The following ERICH1 variants were observed in gnomAD, a reference collection of about 807,000 sequenced individuals.
ERICH1 encodes glutamate-rich protein 1.
Under a neutral mutation model 39.6 loss-of-function variants are expected in ERICH1, and 56 were observed. That is an observed-to-expected ratio of 1.41 (90% confidence interval 1.14 to 1.77). The LOEUF (loss-of-function observed/expected upper bound fraction) is 1.77. Among genes scored for constraint, ERICH1 ranks in the 40% most tolerant of loss-of-function variants. The pLI is 0.00. For synonymous variants in ERICH1, 313 were observed against 223.6 expected (o/e 1.40, Z -3.57); for missense variants, 826 against 575.4 (o/e 1.44, Z -4.45).
intron 3 of ERICH1, among the ~76,000 whole-genome samples, chr8:639,848 C>A (rs978344171): frequency 7.8e-6 from 1 of 127,466 alleles, no homozygotes. Context: ...ACCAAGCACC[C>A]TGGATTCAGA....
intron 4 of ERICH1, among the ~76,000 whole-genome samples, chr8:672,634 G>C (rs1037393): frequency 0.9 from 137,638 of 152,204 alleles, 62,332 homozygotes; most frequent in South Asian, 0.95. Context: ...GGAAGCCAGC[G>C]CACGGTGAGT....
Position 727,698 on chromosome 8 carries a change from G to A in ERICH1, c.22+3442C>T, listed in dbSNP as rs529117520. On this transcript the variant is annotated intron_variant, in intron 1 of 5. Transcript: ENST00000262109. Reference sequence around the variant, plus strand: ...GTGCCTACCAGGAGGAGGCCTCTGGGACAGGGCTCTGTGGCCTTCCCTACA... The same window carrying A: ...GTGCCTACCAGGAGGAGGCCTCTGGAACAGGGCTCTGTGGCCTTCCCTACA... Among the ~76,000 whole-genome samples, 12 of 152,336 alleles carry A rather than the reference G, an allele frequency of 7.9e-5. No individual in the cohort carries two copies. The East Asian group carries it at 2.3e-3, about 29-fold the overall frequency.
chr8:637,785 C>A (rs1798558979), intron 3 of ERICH1, among the ~76,000 whole-genome samples: 1 of 152,196 alleles, frequency 6.6e-6, no homozygotes. Context: ...GGGAGTGGAG[C>A]AGCCGGGAGT....
chr8:664,555 T>C lies in ERICH1; in HGVS notation c.*48A>G, dbSNP rs769261366. ...TCTAAGCCCATCTCACATTTGTCTT[T>C]TAAGTTTTTTTGTTAAAGAGGAGCT... On this transcript the variant is annotated 3_prime_UTR_variant, in exon 6 of 6. Coordinates refer to ENST00000262109, the MANE Select transcript of ERICH1 (RefSeq NM_207332.3). The C allele has an allele frequency of 3.2e-6, 5 of 1,574,958 alleles. No individual in the cohort carries two copies. Among genetic ancestry groups the C allele is most frequent in the Non-Finnish European group, 1.7e-6 (2 of 1,162,400 alleles).
chr8:722,508 T>C (rs996197538), intron 1 of ERICH1, among the ~76,000 whole-genome samples: 4 of 152,194 alleles, frequency 2.6e-5, no homozygotes, highest in African/African-American at 4.8e-5. Context: ...CTATGGAAAT[T>C]ACACACTTAG....
At chr8:628,015 T>G (rs1563165468) in intron 3 of ERICH1, among the ~76,000 whole-genome samples, 1 of 152,092 alleles carries the variant, frequency 6.6e-6, no homozygotes, top group Non-Finnish European at 1.5e-5. Flanking sequence ...AGGGGCGCCT[T>G]CCTGAGGAGT....
chr8:728,196 C>G (rs535936611), intron 1 of ERICH1, among the ~76,000 whole-genome samples: 1 of 152,336 alleles, frequency 6.6e-6, no homozygotes, highest in South Asian at 2.1e-4. Flanking sequence ...AATGACCAAC[C>G]ACCAGGGAGG....
chr8:712,331 C>A (rs1814921286), intron 2 of ERICH1, among the ~76,000 whole-genome samples: 1 of 152,062 alleles, frequency 6.6e-6, no homozygotes, highest in Non-Finnish European at 1.5e-5. Context: ...CATCAGAGTT[C>A]TATAGCTTCT....
chr8:619,355 G>C (rs1184818474), intron 3 of ERICH1, among the ~76,000 whole-genome samples: 3 of 152,174 alleles, frequency 2.0e-5, no homozygotes, highest in Non-Finnish European at 2.9e-5. Context: ...AATTGTAAAA[G>C]ACAGTATAAC....
chr8:654,579 T>G (rs1800376004), intron 3 of ERICH1, among the ~76,000 whole-genome samples: 2 of 152,104 alleles, frequency 1.3e-5, no homozygotes, highest in Non-Finnish European at 1.5e-5. Context: ...TTTAAATAAA[T>G]TAAAAAATTA....
At position 681,523 on chromosome 8, in the gene ERICH1, G is replaced by C. The variant is rs549403620; in HGVS notation, c.305-7476C>G. On this transcript the variant is annotated intron_variant, in intron 3 of 5. Transcript: ENST00000262109. ...CATACAAAGAATGCAAGAGTAATCAGAACTTGAAGGAACAAAACGCAAGCA... is the reference window on the plus strand; with the variant it reads ...CATACAAAGAATGCAAGAGTAATCACAACTTGAAGGAACAAAACGCAAGCA... 6.6e-5 allele frequency among the ~76,000 whole-genome samples: 10 copies of C among 152,284 alleles called. No homozygotes were observed. The South Asian group carries it at 1.5e-3, about 22-fold the overall frequency.
At chr8:683,465 GGACTT>G (rs1399309368) in intron 3 of ERICH1, among the ~76,000 whole-genome samples, 1 of 152,180 alleles carries the variant, frequency 6.6e-6, no homozygotes, top group Non-Finnish European at 1.5e-5. Context: ...GGAATAAAGA[GGACTT>G]GAAGAGTTCC....
rs368419637 is a variant in ERICH1 at position 620,799 on chromosome 8, T to C, written c.977-5515A>G. On this transcript the variant is annotated intron_variant, in intron 3 of 3. Coordinates refer to the ERICH1 transcript ENST00000522706. ...AAATATATAAAGCAAACTGGTGAAA[T>C]TGAAGGGAGAAGTAGACAATTTAAC... 1.3e-4 allele frequency among the ~76,000 whole-genome samples: 20 copies of C among 151,864 alleles called. 1 individual carries two copies. In the East Asian group the frequency reaches 3.1e-3, roughly 23 times the overall value.
At chr8:691,419 G>A (rs1808884133) in intron 3 of ERICH1, among the ~76,000 whole-genome samples, 1 of 152,254 alleles carries the variant, frequency 6.6e-6, no homozygotes, top group Non-Finnish European at 1.5e-5. Context: ...TCCAGCACAG[G>A]CCTGTCCTGG....
At chr8:620,283 G>A (rs1797200641) in intron 3 of ERICH1, among the ~76,000 whole-genome samples, 1 of 152,194 alleles carries the variant, frequency 6.6e-6, no homozygotes, top group Non-Finnish European at 1.5e-5. Context: ...CTGCACTCCA[G>A]CCTGGGCAAC....
intron 2 of ERICH1, among the ~76,000 whole-genome samples, chr8:699,447 G>A (rs1259273983): frequency 6.6e-6 from 1 of 152,120 alleles, no homozygotes; most frequent in Non-Finnish European, 1.5e-5. Flanking sequence ...TGAAATCAGT[G>A]TAAAATCCAA....
At chr8:619,525 T>C (rs891957874) in intron 3 of ERICH1, among the ~76,000 whole-genome samples, 1 of 152,104 alleles carries the variant, frequency 6.6e-6, no homozygotes, top group African/African-American at 2.4e-5. Context: ...GAGAAAGCAA[T>C]GACATCAGAT....
chr8:640,923 G>A (rs753197038), intron 3 of ERICH1: 1 of 152,190 alleles, frequency 6.6e-6, no homozygotes, highest in Non-Finnish European at 1.5e-5. Flanking sequence ...CAAAACCACT[G>A]CTTCCAGAGT....
At chr8:728,807 C>G (rs1819377006) in intron 1 of ERICH1, among the ~76,000 whole-genome samples, 1 of 152,172 alleles carries the variant, frequency 6.6e-6, no homozygotes, top group Non-Finnish European at 1.5e-5. Flanking sequence ...TCAAGTGGTG[C>G]TGCTTCAAAG....
Sources: gnomAD v4.1 joint callset for allele counts (sites outside exome capture counted in the v4.1 genomes callset) on GRCh38, gnomAD v4.1.1 for gene constraint, MANE v1.5 for transcripts, NCBI Gene and HGNC (gene_info 2026-07-23, HGNC 2026-07-21) for gene names.